Variants in ZNF76 observed in about 807,000 individuals in gnomAD.
ZNF76 encodes the protein zinc finger protein 523.
ZNF76 carries 66 observed loss-of-function variants against 66.9 expected under a neutral mutation model. That is an observed-to-expected ratio of 0.99 (90% CI 0.81 to 1.21). The LOEUF (loss-of-function observed/expected upper bound fraction) is 1.21. Among genes scored for constraint, ZNF76 ranks in the 50% most tolerant of loss-of-function variants. The probability of loss-of-function intolerance (pLI) is 0.00; values close to 1 mark genes in which losing one functional copy is unlikely to be tolerated. For synonymous variants in ZNF76, 275 were observed against 296.1 expected (o/e 0.93, Z 0.73); for missense variants, 729 against 760.3 (o/e 0.96, Z 0.48).
chr6:35,290,139 C>T, intron 5 of ZNF76, 127 bp from the exon 6 acceptor site: 1 of 1,254,870 alleles, frequency 8.0e-7, no homozygotes, highest in African/African-American at 1.5e-5. Context: ...TAGTTATGTT[C>T]TTCTGCCCCA....
chr6:35,278,534 A>G (rs749922624), intron 1 of ZNF76, among the ~76,000 whole-genome samples: 18 of 152,232 alleles, frequency 1.2e-4, no homozygotes, highest in African/African-American at 3.9e-4. Flanking sequence ...CTGCAATGCA[A>G]TGTACAAATA....
chr6:35,291,539 C>T lies in ZNF76; in HGVS notation c.752-19C>T, dbSNP rs781723304. ...GCCCTCTTTCCCACACCCCTCCTCA[C>T]ATCCCACCATTTGCATAGGTGAACG... On this transcript the variant is annotated intron_variant, in intron 8 of 13. Coordinates refer to ENST00000373953, the MANE Select transcript of ZNF76 (RefSeq NM_003427.5). 4 of 1,609,602 alleles carry T rather than the reference C, an allele frequency of 2.5e-6. No homozygotes were observed. The highest frequency in any genetic ancestry group is 4.5e-5 in the East Asian group (2 of 44,760).
At chr6:35,291,493 TC>T in intron 8 of ZNF76, 64 bp from the exon 9 acceptor site, 1 of 1,607,412 alleles carries the variant, frequency 6.2e-7, no homozygotes, top group East Asian at 2.2e-5. Context: ...CCCAGTGCCA[TC>T]CCCAGCTTGC....
At chr6:35,290,476 TC>T in intron 6 of ZNF76, 94 bp downstream of exon 6, 1 of 1,568,064 alleles carries the variant, frequency 6.4e-7, no homozygotes, top group Non-Finnish European at 8.7e-7. Context: ...GTCCCTGCCC[TC>T]ACGTTGCTGG....
chr6:35,278,245 C>T (rs1038378793), intron 1 of ZNF76, among the ~76,000 whole-genome samples: 5 of 152,024 alleles, frequency 3.3e-5, no homozygotes, highest in Non-Finnish European at 5.9e-5. Flanking sequence ...CTCGGCTCAC[C>T]GCAACCTCTG....
chr6:35,285,560 A>G (rs1027778028), intron 2 of ZNF76, among the ~76,000 whole-genome samples: 3 of 152,248 alleles, frequency 2.0e-5, no homozygotes, highest in South Asian at 2.1e-4. Context: ...GGTTAGTTAA[A>G]TAAGCTGTCC....
intron 12 of ZNF76, 51 bp from the exon 13 acceptor site, chr6:35,294,405 G>T (rs1441932780): frequency 8.2e-7 from 1 of 1,222,908 alleles, no homozygotes; most frequent in South Asian, 1.2e-5. Context: ...TGGATTGTGG[G>T]GAGGGAGAGT....
chr6:35,290,800 A>G, intron 7 of ZNF76, 84 bp downstream of exon 7: 1 of 1,328,102 alleles, frequency 7.5e-7, no homozygotes, highest in East Asian at 2.3e-5. Context: ...ACCCAACACC[A>G]GGCTGCTTTC....
intron 1 of ZNF76, among the ~76,000 whole-genome samples, chr6:35,276,166 G>A (rs527238232): frequency 6.6e-6 from 1 of 152,116 alleles, no homozygotes; most frequent in Non-Finnish European, 1.5e-5. Flanking sequence ...TTAAAAAGTG[G>A]CTGGTATATA....
intron 1 of ZNF76, among the ~76,000 whole-genome samples, chr6:35,265,981 C>T (rs1312728320): frequency 6.6e-6 from 1 of 152,092 alleles, no homozygotes; most frequent in Non-Finnish European, 1.5e-5. Context: ...AGGAGAGAAA[C>T]TGGTTAGGAG....
At chr6:35,261,020 G>A (rs768498704) in intron 1 of ZNF76, among the ~76,000 whole-genome samples, 3 of 152,098 alleles carry the variant, frequency 2.0e-5, no homozygotes, top group Non-Finnish European at 4.4e-5. Context: ...TCATTTGGGG[G>A]CATTGAGTTC....
intron 13 of ZNF76, 48 bp from the exon 14 acceptor site, chr6:35,295,096 C>CA: frequency 6.9e-7 from 1 of 1,459,626 alleles, no homozygotes; most frequent in Non-Finnish European, 9.5e-7. Context: ...TGGAATCTAG[C>CA]AGGGAGGGTC....
intron 13 of ZNF76, 180 bp downstream of exon 13, chr6:35,294,749 G>T: frequency 1.5e-6 from 1 of 658,158 alleles, no homozygotes. Context: ...CTTGGCTGAG[G>T]CAGAATGTTG....
At chr6:35,265,049 C>A (rs1288055546) in intron 1 of ZNF76, among the ~76,000 whole-genome samples, 4 of 152,118 alleles carry the variant, frequency 2.6e-5, no homozygotes, top group Admixed American at 2.0e-4. Context: ...ATTCATTCAT[C>A]CCACAAATAT....
intron 2 of ZNF76, among the ~76,000 whole-genome samples, chr6:35,281,914 T>C (rs1788822932): frequency 7.0e-6 from 1 of 143,456 alleles, no homozygotes; most frequent in African/African-American, 2.6e-5. Flanking sequence ...CCAGCCTGGG[T>C]GACAGAGCAA....
intron 9 of ZNF76, 40 bp downstream of exon 9, chr6:35,291,777 C>A (rs1490975638): frequency 6.3e-7 from 1 of 1,596,468 alleles, no homozygotes; most frequent in Middle Eastern, 1.7e-4. Flanking sequence ...TCACTCAGGC[C>A]CCAACCCCTC....
intron 2 of ZNF76, among the ~76,000 whole-genome samples, chr6:35,284,040 C>T (rs1054176913): frequency 6.6e-5 from 10 of 152,078 alleles, no homozygotes; most frequent in African/African-American, 2.4e-4. Flanking sequence ...TCCTAAACCT[C>T]AATCTTCTAA....
At position 35,295,478 on chromosome 6, in the gene ZNF76, G is replaced by A. The variant is rs1791063516; in HGVS notation, c.*230G>A. The A allele has an allele frequency of 7.2e-6, 4 of 552,510 alleles. No homozygotes were observed. Among genetic ancestry groups the A allele is most frequent in the South Asian group, 5.6e-5 (3 of 53,724 alleles). The allele number at this position is 552,510 out of a possible 1,614,324, so 34.2% of individuals were successfully genotyped here. A position where few individuals can be genotyped will look rare whatever the true frequency, so the allele number is the denominator to read the frequency against. On this transcript the variant is annotated 3_prime_UTR_variant, in exon 14 of 14. Coordinates refer to ENST00000373953, the MANE Select transcript of ZNF76 (RefSeq NM_003427.5). ...GCATCATCCTCGGGAGCTGACAACA[G>A]CCAGGCTACACCAGGGCACCCGCCT...
intron 1 of ZNF76, among the ~76,000 whole-genome samples, chr6:35,266,078 T>G (rs1169339515): frequency 6.6e-6 from 1 of 151,994 alleles, no homozygotes; most frequent in Non-Finnish European, 1.5e-5. Context: ...GGCTTCTGGA[T>G]GTATTTGGAA....
Sources: allele counts gnomAD v4.1 joint callset (sites outside exome capture counted in the v4.1 genomes callset), GRCh38; gene constraint gnomAD v4.1.1; transcripts MANE v1.5; gene names NCBI Gene and HGNC (gene_info 2026-07-23, HGNC 2026-07-21).